Variants in CENPN observed in about 807,000 individuals in gnomAD.
CENPN encodes the protein centromere protein N, also known as interphase centromere complex protein 32.
CENPN carries 36 observed loss-of-function variants against 48.6 expected under a neutral mutation model. That is an observed-to-expected ratio of 0.74 (90% confidence interval 0.57 to 0.98). The LOEUF (loss-of-function observed/expected upper bound fraction) is 0.98. CENPN is among the 50% of genes least tolerant of loss of function. The probability of loss-of-function intolerance (pLI) is 0.00; values close to 1 mark genes in which losing one functional copy is unlikely to be tolerated. For synonymous variants in CENPN, 166 were observed against 135.2 expected (o/e 1.23, Z -1.58); for missense variants, 439 against 399.2 (o/e 1.10, Z -0.85).
rs1485727765 is a variant in CENPN at position 81,026,638 on chromosome 16, G to C, written c.810G>C (p.Lys270Asn). 2.1e-6 allele frequency: 3 copies of C among 1,461,714 alleles called. No individual in the cohort carries two copies. The highest frequency in any genetic ancestry group is 2.8e-6 in the Non-Finnish European group (3 of 1,052,888). The allele number at this position is 1,461,714 out of a possible 1,614,324, so 90.5% of individuals were successfully genotyped here. A position where few individuals can be genotyped will look rare whatever the true frequency, so the allele number is the denominator to read the frequency against. Residue 270 changes from lysine to asparagine, a missense_variant and splice_region_variant, in exon 9 of 11, where the codon AAG (lysine) becomes AAC (asparagine). Coordinates refer to ENST00000305850, the MANE Select transcript of CENPN (RefSeq NM_001100624.3). ...PQPQLEFAQY[K>N]LETKFKSGLN... ...CACAACTAGAATTTGCACAATATAA[G>C]GTAAGATGTCGTAATAAATATTAAG... is the stretch of plus-strand genomic sequence containing the variant.
In CENPN at chr16:81,030,383, C is replaced by T; in HGVS notation, c.*1732C>T. 4 of 985,172 alleles carry T rather than the reference C, an allele frequency of 4.1e-6. No homozygotes were observed. In the South Asian group the frequency reaches 1.9e-4, roughly 46 times the overall value. The allele number at this position is 985,172 out of a possible 1,614,324, so 61.0% of individuals were successfully genotyped here. A position where few individuals can be genotyped will look rare whatever the true frequency, so the allele number is the denominator to read the frequency against. ...TTTCTCCTAGTGTACTCTCACACTT[C>T]TGATACCAGATATGTGGGGGAGGGG... On this transcript the variant is annotated 3_prime_UTR_variant, in exon 11 of 11. Coordinates refer to ENST00000305850, the MANE Select transcript of CENPN (RefSeq NM_001100624.3).
At chr16:81,028,388 C>T in intron 10 of CENPN, 91 bp downstream of exon 10, 2 of 1,524,548 alleles carry the variant, frequency 1.3e-6, no homozygotes, top group Non-Finnish European at 1.8e-6. Flanking sequence ...TGAGCTCACC[C>T]ATCACCCTAG....
chr16:81,010,933 T>C (rs1212069581), intron 1 of CENPN, among the ~76,000 whole-genome samples: 1 of 152,164 alleles, frequency 6.6e-6, no homozygotes, highest in Admixed American at 6.5e-5. Context: ...CACTGCGTTC[T>C]CAGTACAGTA....
At position 81,028,958 on chromosome 16, in the gene CENPN, A is replaced by G; in HGVS notation, c.*307A>G. The G allele has an allele frequency of 1.9e-6, 2 of 1,037,670 alleles. No homozygotes were observed. The highest frequency in any genetic ancestry group is 2.3e-6 in the Non-Finnish European group (2 of 864,738). The allele number at this position is 1,037,670 out of a possible 1,614,324, so 64.3% of individuals were successfully genotyped here. On this transcript the variant is annotated 3_prime_UTR_variant, in exon 11 of 11. Coordinates refer to ENST00000305850, the MANE Select transcript of CENPN (RefSeq NM_001100624.3). ...AATCAAGCATATGGCACAGCGCTCA[A>G]GACTTTTGGGTTTGTGTCCTTTTTT... is the stretch of plus-strand genomic sequence containing the variant.
rs528510242 is a variant in CENPN at position 81,030,515 on chromosome 16, G to A, written c.*1864G>A. On this transcript the variant is annotated 3_prime_UTR_variant, in exon 11 of 11. Transcript: ENST00000305850. ...TGTAATCCTAGCACTTTGGGAAGCC[G>A]AGGTGGGCAGATCACCCGAGGTCAG... The A allele has an allele frequency of 6.9e-5, 35 of 509,664 alleles. No individual in the cohort carries two copies. Among genetic ancestry groups the A allele is most frequent in the East Asian group, 1.5e-4 (1 of 6,606 alleles). 31.6% of individuals were successfully genotyped at this position (509,664 alleles called of 1,614,324 possible).
intron 3 of CENPN, chr16:81,014,397 G>A: frequency 8.1e-6 from 4 of 496,730 alleles, no homozygotes; most frequent in Non-Finnish European, 1.4e-5. Context: ...ACCATGTATG[G>A]CTAATTTTTT....
intron 8 of CENPN, among the ~76,000 whole-genome samples, 177 bp downstream of exon 8, chr16:81,024,955 T>C (rs1468479422): frequency 6.6e-6 from 1 of 152,262 alleles, no homozygotes; most frequent in Non-Finnish European, 1.5e-5. Context: ...AGTTCTCCTT[T>C]AGAATTTACT....
In CENPN at chr16:81,026,067, A is replaced by ATGTGTGTG. The variant is rs537056825; in HGVS notation, c.698-458_698-457insGTGTGTGT. ...GTGCCATGGAGATATATATATATAT[A>ATGTGTGTG]TATGTGTGTGTGTGTGTGTGTGTAT... is the stretch of plus-strand genomic sequence containing the variant. On this transcript the variant is annotated intron_variant, in intron 8 of 10. Coordinates refer to ENST00000305850, the MANE Select transcript of CENPN (RefSeq NM_001100624.3). Among the ~76,000 whole-genome samples, 547 of 135,850 alleles carry ATGTGTGTG rather than the reference A, an allele frequency of 4.0e-3. 13 individuals carry two copies. In the East Asian group the frequency reaches 0.047, roughly 12 times the overall value. The allele number at this position is 135,850 out of a possible 152,430, so 89.1% of individuals were successfully genotyped here.
intron 2 of CENPN, among the ~76,000 whole-genome samples, chr16:81,012,471 T>C (rs1322215389): frequency 1.3e-5 from 2 of 152,254 alleles, no homozygotes; most frequent in Non-Finnish European, 2.9e-5. Flanking sequence ...CTGTCTTTCA[T>C]GTGTATTTAT....
Position 81,028,999 on chromosome 16 carries a change from C to G in CENPN, c.*348C>G. On this transcript the variant is annotated 3_prime_UTR_variant, in exon 11 of 11. Transcript: ENST00000305850. ...GTCCTTTTTTCTATGGCTGTCTCTT[C>G]TCAATTCTGGAGAGGTCTGGTTCCA... 1 of 1,000,764 alleles carries G rather than the reference C, an allele frequency of 1.0e-6. No homozygotes were observed. Among genetic ancestry groups the G allele is most frequent in the Non-Finnish European group, 1.2e-6 (1 of 840,602 alleles). The allele number at this position is 1,000,764 out of a possible 1,614,324, so 62.0% of individuals were successfully genotyped here. A position where few individuals can be genotyped will look rare whatever the true frequency, so the allele number is the denominator to read the frequency against.
At chr16:81,023,959 T>C (rs1268874549) in intron 7 of CENPN, 1 of 152,308 alleles carries the variant, frequency 6.6e-6, no homozygotes, top group Admixed American at 6.6e-5. Flanking sequence ...CGGGTGCCTG[T>C]AGTCCCAGCT....
intron 7 of CENPN, 91 bp from the exon 8 acceptor site, chr16:81,024,624 C>T: frequency 2.4e-6 from 2 of 823,690 alleles, no homozygotes; most frequent in South Asian, 3.4e-5. Context: ...AAAAAATAAA[C>T]ATTTGACATA....
At chr16:81,019,654 C>A (rs7187063) in intron 5 of CENPN, among the ~76,000 whole-genome samples, 1 of 151,930 alleles carries the variant, frequency 6.6e-6, no homozygotes, top group Non-Finnish European at 1.5e-5. Flanking sequence ...TAAGGAGGAA[C>A]AGTTTTCAGG....
intron 1 of CENPN, 139 bp from the exon 2 acceptor site, chr16:81,011,791 C>G (rs997647136): frequency 6.7e-5 from 43 of 645,238 alleles, no homozygotes; most frequent in African/African-American, 6.0e-4. Flanking sequence ...TTGCTTGAGC[C>G]TAAGAGTTCA....
In CENPN at chr16:81,007,228, G is replaced by A. The variant is rs556168078; in HGVS notation, c.-60G>A. The A allele has an allele frequency of 1.1e-5, 2 of 177,256 alleles. No homozygotes were observed. The highest frequency in any genetic ancestry group is 1.1e-5 in the Non-Finnish European group (1 of 90,970). The allele number at this position is 177,256 out of a possible 1,614,324, so 11.0% of individuals were successfully genotyped here. On this transcript the variant is annotated 5_prime_UTR_variant, in exon 1 of 11. Transcript: ENST00000305850. ...CTGCAATTGGTGGCTTTGAAGGCGC[G>A]GCGAGCGGGAACAGCTCTTGAGGAG...
In CENPN at chr16:81,017,504, T is replaced by C. The variant is rs546411730; in HGVS notation, c.277+119T>C. On this transcript the variant is annotated intron_variant, in intron 4 of 10. Transcript: ENST00000305850. ...CAGCCTGGGTAACAGAGCAAGACTC[T>C]ATATCCAAAAAAAAAAAATAGCAGT... The C allele has an allele frequency of 9.4e-5, 69 of 731,068 alleles. 1 individual carries two copies. The African/African-American group carries it at 1.1e-3, about 12-fold the overall frequency. The allele number at this position is 731,068 out of a possible 1,614,324, so 45.3% of individuals were successfully genotyped here. A position where few individuals can be genotyped will look rare whatever the true frequency, so the allele number is the denominator to read the frequency against.
chr16:81,028,053 A>T, intron 9 of CENPN, 118 bp from the exon 10 acceptor site: 1 of 916,126 alleles, frequency 1.1e-6, no homozygotes, highest in Non-Finnish European at 1.7e-6. Flanking sequence ...CACCCCTGTT[A>T]ATTCCTGTAT....
chr16:81,026,648 C>A lies in CENPN; in HGVS notation c.810+10C>A. ...ATTTGCACAATATAAGGTAAGATGT[C>A]GTAATAAATATTAAGTACAAGATAT... On this transcript the variant is annotated intron_variant, in intron 9 of 10. Coordinates refer to ENST00000305850, the MANE Select transcript of CENPN (RefSeq NM_001100624.3). 6 of 1,337,176 alleles carry A rather than the reference C, an allele frequency of 4.5e-6. No individual in the cohort carries two copies. The highest frequency in any genetic ancestry group is 2.5e-5 in the South Asian group (2 of 79,608). The allele number at this position is 1,337,176 out of a possible 1,614,324, so 82.8% of individuals were successfully genotyped here. A position where few individuals can be genotyped will look rare whatever the true frequency, so the allele number is the denominator to read the frequency against.
chr16:81,028,820 G>T lies in CENPN; in HGVS notation c.*169G>T. 7.2e-7 allele frequency: 1 copy of T among 1,392,730 alleles called. No individual in the cohort carries two copies. The highest frequency in any genetic ancestry group is 9.3e-7 in the Non-Finnish European group (1 of 1,078,804). 86.3% of individuals were successfully genotyped at this position (1,392,730 alleles called of 1,614,324 possible). A position where few individuals can be genotyped will look rare whatever the true frequency, so the allele number is the denominator to read the frequency against. On this transcript the variant is annotated 3_prime_UTR_variant, in exon 11 of 11. Coordinates refer to ENST00000305850, the MANE Select transcript of CENPN (RefSeq NM_001100624.3). Reference sequence around the variant, plus strand: ...TGTTGGGACTGATTCATTCCTCCACGATATGCCTCCTCTCTCTGATATCCT... The same window carrying T: ...TGTTGGGACTGATTCATTCCTCCACTATATGCCTCCTCTCTCTGATATCCT...
Sources: allele counts gnomAD v4.1 joint callset (sites outside exome capture counted in the v4.1 genomes callset), GRCh38; gene constraint gnomAD v4.1.1; transcripts MANE v1.5; gene names NCBI Gene and HGNC (gene_info 2026-07-23, HGNC 2026-07-21).